BRINP3: variants seen among roughly 807,000 people sequenced by gnomAD.
The protein encoded by BRINP3 is BMP/retinoic acid inducible neural specific 3.
BRINP3 carries 19 observed loss-of-function variants against 71.0 expected under a neutral mutation model. The observed-to-expected ratio is 0.27, with a 90% confidence interval of 0.19 to 0.39. The LOEUF is 0.39. BRINP3 is among the 10% of genes least tolerant of loss of function. The probability of loss-of-function intolerance (pLI) is 1.00; values close to 1 mark genes in which losing one functional copy is unlikely to be tolerated. For missense variants in BRINP3, 959 were observed against 940.8 expected (o/e 1.02, Z -0.25); for synonymous variants, 380 against 337.7 (o/e 1.13, Z -1.37).
chr1:190,231,465 T>G (rs1217355373), intron 5 of BRINP3, among the ~76,000 whole-genome samples: 1 of 151,792 alleles, frequency 6.6e-6, no homozygotes, highest in African/African-American at 2.4e-5. Context: ...AATTCAGTCC[T>G]TTAAATTATT....
intron 4 of BRINP3, among the ~76,000 whole-genome samples, chr1:190,261,749 A>T (rs1238100856): frequency 1.3e-5 from 2 of 152,198 alleles, no homozygotes; most frequent in Non-Finnish European, 2.9e-5. Context: ...CACAACTTAC[A>T]TTACCAAATC....
intron 2 of BRINP3, among the ~76,000 whole-genome samples, chr1:190,331,678 A>G (rs1666973067): frequency 6.6e-6 from 1 of 152,032 alleles, no homozygotes; most frequent in Admixed American, 6.6e-5. Flanking sequence ...AGCTAGCAGA[A>G]ATGGGATTAT....
At chr1:190,369,013 C>A (rs562025332) in intron 2 of BRINP3, among the ~76,000 whole-genome samples, 3 of 152,218 alleles carry the variant, frequency 2.0e-5, no homozygotes, top group South Asian at 2.1e-4. Flanking sequence ...AGCAGCCCAG[C>A]CCTCAGTTTG....
intron 7 of BRINP3, among the ~76,000 whole-genome samples, chr1:190,130,847 C>T (rs910406825): frequency 1.1e-4 from 17 of 151,820 alleles, no homozygotes; most frequent in African/African-American, 4.1e-4. Flanking sequence ...CTTTTACTGA[C>T]CAGATGCTAA....
intron 6 of BRINP3, among the ~76,000 whole-genome samples, chr1:190,195,527 C>T (rs1297796976): frequency 6.6e-6 from 1 of 151,778 alleles, no homozygotes; most frequent in South Asian, 2.1e-4. Flanking sequence ...TTTACTCTAC[C>T]TAAAAAAGAT....
At chr1:190,268,187 A>G (rs1257706234) in intron 3 of BRINP3, among the ~76,000 whole-genome samples, 1 of 152,174 alleles carries the variant, frequency 6.6e-6, no homozygotes, top group Non-Finnish European at 1.5e-5. Context: ...GCTATCCTCT[A>G]TTACTTAAAA....
chr1:190,161,668 A>G (rs1489596344), intron 6 of BRINP3, among the ~76,000 whole-genome samples: 1 of 152,132 alleles, frequency 6.6e-6, no homozygotes, highest in Non-Finnish European at 1.5e-5. Flanking sequence ...ATAATAATAA[A>G]GAAGAGCTAA....
At chr1:190,427,019 A>G (rs751840390) in intron 2 of BRINP3, among the ~76,000 whole-genome samples, 41 of 151,856 alleles carry the variant, frequency 2.7e-4, no homozygotes, top group Non-Finnish European at 4.7e-4. Flanking sequence ...TCTTATCTTT[A>G]CACTTCAGGT....
intron 2 of BRINP3, among the ~76,000 whole-genome samples, chr1:190,283,421 A>C (rs1663188480): frequency 6.6e-6 from 1 of 151,834 alleles, no homozygotes; most frequent in African/African-American, 2.4e-5. Flanking sequence ...ATAATTTGCT[A>C]TATTGTCTTT....
chr1:190,437,597 C>A (rs1053557603), intron 2 of BRINP3, among the ~76,000 whole-genome samples: 3 of 151,738 alleles, frequency 2.0e-5, no homozygotes, highest in African/African-American at 7.2e-5. Context: ...TATGGTAATA[C>A]ACTCACGTGC....
chr1:190,306,994 T>A (rs1055891181), intron 2 of BRINP3, among the ~76,000 whole-genome samples: 1 of 151,888 alleles, frequency 6.6e-6, no homozygotes, highest in Non-Finnish European at 1.5e-5. Flanking sequence ...ATCATTTCCA[T>A]GAAACTCGTG....
chr1:190,388,358 C>G (rs758716015), intron 2 of BRINP3, among the ~76,000 whole-genome samples: 7 of 151,688 alleles, frequency 4.6e-5, no homozygotes, highest in Non-Finnish European at 8.8e-5. Flanking sequence ...AAGCCCAGTA[C>G]CTATGACTGT....
chr1:190,201,579 C>T (rs2102613697), intron 6 of BRINP3, among the ~76,000 whole-genome samples: 1 of 152,258 alleles, frequency 6.6e-6, no homozygotes, highest in African/African-American at 2.4e-5. Flanking sequence ...TTATGGCAGC[C>T]TCTCCTATTG....
chr1:190,293,193 T>C (rs1663999266), intron 2 of BRINP3, among the ~76,000 whole-genome samples: 1 of 152,144 alleles, frequency 6.6e-6, no homozygotes, highest in Admixed American at 6.6e-5. Context: ...TTTATCTATA[T>C]TTCATATGTA....
At chr1:190,125,024 C>CT (rs1653973648) in intron 7 of BRINP3, among the ~76,000 whole-genome samples, 1 of 151,926 alleles carries the variant, frequency 6.6e-6, no homozygotes, top group South Asian at 2.1e-4. Context: ...TGGAGATCAC[C>CT]TTGTCCAACA....
At chr1:190,381,760 C>A (rs1000459885) in intron 2 of BRINP3, among the ~76,000 whole-genome samples, 1 of 152,142 alleles carries the variant, frequency 6.6e-6, no homozygotes, top group African/African-American at 2.4e-5. Context: ...AGGCCAATTT[C>A]ATTTAACACA....
intron 2 of BRINP3, among the ~76,000 whole-genome samples, chr1:190,408,961 T>A (rs1168530492): frequency 6.6e-6 from 1 of 152,240 alleles, no homozygotes; most frequent in African/African-American, 2.4e-5. Context: ...AAATTTTTTG[T>A]TGTAACAACC....
At chr1:190,230,359 G>A (rs2102720706) in intron 5 of BRINP3, among the ~76,000 whole-genome samples, 1 of 151,994 alleles carries the variant, frequency 6.6e-6, no homozygotes, top group African/African-American at 2.4e-5. Flanking sequence ...AAGTAAAAAT[G>A]ACCAGCTGGT....
Position 190,163,488 on chromosome 1 carries a change from C to T in BRINP3, c.962-2598G>A, listed in dbSNP as rs577655360. Among the ~76,000 whole-genome samples the T allele has an allele frequency of 1.2e-3, 186 of 151,918 alleles. 1 individual carries two copies. Among genetic ancestry groups the T allele is most frequent in the African/African-American group, 4.2e-3 (174 of 41,464 alleles). On this transcript the variant is annotated intron_variant, in intron 6 of 7. Coordinates refer to ENST00000367462, the MANE Select transcript of BRINP3 (RefSeq NM_199051.3). ...ACTTTTCATGGCATAATTTTGAGGA[C>T]AATGGAGAAACAAAGTAACCAACTG...
Sources: allele counts gnomAD v4.1 joint callset (sites outside exome capture counted in the v4.1 genomes callset), GRCh38; gene constraint gnomAD v4.1.1; transcripts MANE v1.5; gene names NCBI Gene and HGNC (gene_info 2026-07-23, HGNC 2026-07-21).